CUX2: variants seen among roughly 807,000 people sequenced by gnomAD.
CUX2 encodes the protein homeobox protein cut-like 2.
Under a neutral mutation model 144.8 loss-of-function variants are expected in CUX2, and 40 were observed. The ratio of observed to expected loss-of-function variants is 0.28; its 90% CI spans 0.21 to 0.36. CUX2 has a LOEUF of 0.36. CUX2 is among the 10% of genes least tolerant of loss of function. CUX2 has a pLI of 1.00. For synonymous variants in CUX2, 827 were observed against 875.6 expected (o/e 0.94, Z 0.98); for missense variants, 1,615 against 1,994.0 (o/e 0.81, Z 3.62).
At chr12:111,254,949 A>G (rs1231406630) in intron 3 of CUX2, among the ~76,000 whole-genome samples, 1 of 152,148 alleles carries the variant, frequency 6.6e-6, no homozygotes, top group Non-Finnish European at 1.5e-5. Context: ...TCCCGGGTTC[A>G]AGAGATTCTA....
At chr12:111,055,587 C>T (rs1870480759) in intron 1 of CUX2, among the ~76,000 whole-genome samples, 2 of 152,248 alleles carry the variant, frequency 1.3e-5, no homozygotes, top group African/African-American at 4.8e-5. Context: ...GTCTGCCTCC[C>T]TGGAGGGGGC....
chr12:111,190,609 G>A lies in CUX2; in HGVS notation c.64-23591G>A, dbSNP rs1054982786. 2.6e-5 allele frequency among the ~76,000 whole-genome samples: 4 copies of A among 152,232 alleles called. No individual in the cohort carries two copies. Among genetic ancestry groups the A allele is most frequent in the Admixed American group, 1.3e-4 (2 of 15,290 alleles). On this transcript the variant is annotated intron_variant, in intron 1 of 21. Transcript: ENST00000261726. The surrounding 1 kb of genome is among the most constrained non-coding windows in gnomAD (Gnocchi z 4.0). ...TTCATCTTTCCTGGACATCCAGAGA[G>A]ACGCCTGGCATTTTTAGCTGATCAA... is the stretch of plus-strand genomic sequence containing the variant.
At chr12:111,275,651 G>A (rs915419498) in intron 4 of CUX2, among the ~76,000 whole-genome samples, 2 of 152,214 alleles carry the variant, frequency 1.3e-5, no homozygotes, top group African/African-American at 2.4e-5. Flanking sequence ...TCGGGGGCTT[G>A]GCAGCACCTA....
chr12:111,347,618 T>TTCC lies in CUX2; in HGVS notation c.3754_3755insTCC (p.Ser1252delinsPhePro). The TTCC allele has an allele frequency of 3.3e-5, 50 of 1,517,264 alleles. No individual in the cohort carries two copies. Among genetic ancestry groups the TTCC allele is most frequent in the Middle Eastern group, 1.7e-4 (1 of 5,902 alleles). The allele number at this position is 1,517,264 out of a possible 1,614,324, so 94.0% of individuals were successfully genotyped here. A position where few individuals can be genotyped will look rare whatever the true frequency, so the allele number is the denominator to read the frequency against. ...TCCTGGAATCCTACCGCCAGGCCAC[T>TTCC]CCCACCCAGACCCCACCCCGCAGAG... On this transcript the variant is annotated protein_altering_variant, in exon 22 of 22. Coordinates refer to ENST00000261726, the MANE Select transcript of CUX2 (RefSeq NM_015267.4).
chr12:111,217,614 G>A (rs983053627), intron 2 of CUX2, among the ~76,000 whole-genome samples: 2 of 152,256 alleles, frequency 1.3e-5, no homozygotes, highest in African/African-American at 2.4e-5. Flanking sequence ...TTTGAGAAAC[G>A]CCACTTCCTT....
chr12:111,075,662 G>T (rs1281440491), intron 1 of CUX2, among the ~76,000 whole-genome samples: 1 of 152,096 alleles, frequency 6.6e-6, no homozygotes, highest in Non-Finnish European at 1.5e-5. Flanking sequence ...ACTTATTTGG[G>T]CGCTTATTGT....
Position 111,061,766 on chromosome 12 carries a change from T to C in CUX2, c.63+27526T>C, listed in dbSNP as rs1870784347. Among the ~76,000 whole-genome samples, 2 of 152,148 alleles carry C rather than the reference T, an allele frequency of 1.3e-5. No individual in the cohort carries two copies. Among genetic ancestry groups the C allele is most frequent in the Non-Finnish European group, 2.9e-5 (2 of 68,030 alleles). ...CTGGGTATCTCTGGGTTTTTTGTCGTTTTCTTTTTTCTGCTGTGATGGAAA... is the reference window on the plus strand; with the variant it reads ...CTGGGTATCTCTGGGTTTTTTGTCGCTTTCTTTTTTCTGCTGTGATGGAAA... On this transcript the variant is annotated intron_variant, in intron 1 of 21. Coordinates refer to ENST00000261726, the MANE Select transcript of CUX2 (RefSeq NM_015267.4). This position sits in a 1 kb window ranked among gnomAD's most constrained non-coding sequence, Gnocchi z 4.2.
chr12:111,135,980 T>C (rs1319443981), intron 1 of CUX2, among the ~76,000 whole-genome samples: 2 of 152,182 alleles, frequency 1.3e-5, no homozygotes, highest in East Asian at 3.8e-4. Context: ...CTACAATTAG[T>C]GTCTGGTTGA....
At chr12:111,181,274 G>T (rs984132712) in intron 1 of CUX2, among the ~76,000 whole-genome samples, 6 of 152,196 alleles carry the variant, frequency 3.9e-5, no homozygotes, top group African/African-American at 1.4e-4. Context: ...TTGCTCTTCC[G>T]CTGGGCAGGA....
chr12:111,234,870 C>T (rs1168924537), intron 3 of CUX2, among the ~76,000 whole-genome samples: 5 of 152,130 alleles, frequency 3.3e-5, no homozygotes, highest in Non-Finnish European at 7.4e-5. Context: ...AGGCACACAC[C>T]ACCACGCCCA....
intron 5 of CUX2, among the ~76,000 whole-genome samples, chr12:111,292,379 C>G (rs1885737585): frequency 6.6e-6 from 1 of 151,762 alleles, no homozygotes; most frequent in South Asian, 2.1e-4. Flanking sequence ...ATCACAAGGT[C>G]AGGAGTTCCA....
intron 1 of CUX2, among the ~76,000 whole-genome samples, chr12:111,056,956 G>A (rs1870557019): frequency 6.6e-6 from 1 of 152,160 alleles, no homozygotes; most frequent in Admixed American, 6.5e-5. Flanking sequence ...AGTAGGGAGT[G>A]GGTGTGACAG....
At chr12:111,118,656 A>C (rs1874441051) in intron 1 of CUX2, among the ~76,000 whole-genome samples, 1 of 152,202 alleles carries the variant, frequency 6.6e-6, no homozygotes, top group Non-Finnish European at 1.5e-5. Context: ...ACCAGCTTCC[A>C]TGAGGCTGCT....
At position 111,212,395 on chromosome 12, in the gene CUX2, C is replaced by A. The variant is rs1881283286; in HGVS notation, c.64-1805C>A. Among the ~76,000 whole-genome samples the A allele has an allele frequency of 2.0e-5, 3 of 152,126 alleles. No homozygotes were observed. In the South Asian group the frequency reaches 6.2e-4, roughly 32 times the overall value. On this transcript the variant is annotated intron_variant, in intron 1 of 21. Transcript: ENST00000261726. ...CTTGGAGAGCACCTGTTTCCGCTCC[C>A]CCACCAAAATAGAGACAGGGTCTCT...
intron 3 of CUX2, among the ~76,000 whole-genome samples, chr12:111,259,031 C>CTGTGTGTG (rs57814010): frequency 0.042 from 5,532 of 132,040 alleles, 104 homozygotes; most frequent in African/African-American, 0.073. Flanking sequence ...CCACACCCAG[C>CTGTGTGTG]TGTGTGTGTG....
Position 111,347,946 on chromosome 12 carries a change from T to C in CUX2, c.4082T>C (p.Leu1361Pro). The C allele has an allele frequency of 6.2e-7, 1 of 1,614,070 alleles. No homozygotes were observed. Among genetic ancestry groups the C allele is most frequent in the Non-Finnish European group, 8.5e-7 (1 of 1,179,996 alleles). The change falls in exon 22 of 22, where the codon CTT becomes CCT. Residue 1361 changes from leucine (L) to proline (P), a missense_variant. By Grantham distance (98) the Leu-to-Pro change is moderately conservative (BLOSUM62 -3). Coordinates refer to ENST00000261726, the MANE Select transcript of CUX2 (RefSeq NM_015267.4). ...GGATCCACCCCAGACTGTCCCTCAC[T>C]TCATCCCCAACAGGAGAGTGAGGCC... ...PGGSTPDCPS[L>P]HPQQESEAGE... is the part of the protein sequence containing the mutation.
intron 1 of CUX2, among the ~76,000 whole-genome samples, chr12:111,036,575 G>A (rs1397880059): frequency 6.6e-6 from 1 of 151,856 alleles, no homozygotes; most frequent in Admixed American, 6.6e-5. Flanking sequence ...GGAGGGGTTT[G>A]TTCAGGTGAT....
At chr12:111,045,933 C>T (rs1869975076) in intron 1 of CUX2, among the ~76,000 whole-genome samples, 1 of 152,228 alleles carries the variant, frequency 6.6e-6, no homozygotes, top group African/African-American at 2.4e-5. Context: ...TTATTATTGC[C>T]ATCGTTGTTT....
Position 111,287,012 on chromosome 12 carries a change from C to A in CUX2, c.302-4406C>A, listed in dbSNP as rs939568925. Among the ~76,000 whole-genome samples, 1 of 152,098 alleles carries A rather than the reference C, an allele frequency of 6.6e-6. No homozygotes were observed. The highest frequency in any genetic ancestry group is 2.4e-5 in the African/African-American group (1 of 41,412). On this transcript the variant is annotated intron_variant, in intron 4 of 21. Transcript: ENST00000261726. This position sits in a 1 kb window ranked among gnomAD's most constrained non-coding sequence, Gnocchi z 4.2. Reference sequence around the variant, plus strand: ...AGCTTAATGACTGTTTTACACTGTACCTGCAAAGGAAGGCAAAAAGACAGA... The same window carrying A: ...AGCTTAATGACTGTTTTACACTGTAACTGCAAAGGAAGGCAAAAAGACAGA...
Sources: gnomAD v4.1 joint callset for allele counts (sites outside exome capture counted in the v4.1 genomes callset) on GRCh38, gnomAD v4.1.1 for gene constraint, Gnocchi (gnomAD v3.1) non-coding constraint, MANE v1.5 for transcripts, NCBI Gene and HGNC (gene_info 2026-07-23, HGNC 2026-07-21) for gene names.